Variants in BBOX1 observed in about 807,000 individuals in gnomAD.
BBOX1 encodes the protein gamma-butyrobetaine hydroxylase 1.
Under a neutral mutation model 41.6 loss-of-function variants are expected in BBOX1, and 35 were observed. The ratio of observed to expected loss-of-function variants is 0.84; its 90% CI spans 0.64 to 1.11. BBOX1 has a LOEUF of 1.11. Among genes scored for constraint, BBOX1 ranks in the 50% most tolerant of loss-of-function variants. The pLI is 0.00. For synonymous variants in BBOX1, 163 were observed against 154.7 expected, an observed-to-expected ratio of 1.05 and a Z score of -0.40; for missense variants, 458 against 460.6, an observed-to-expected ratio of 0.99 and a Z score of 0.05.
intron 4 of BBOX1, among the ~76,000 whole-genome samples, chr11:27,066,950 A>T (rs1857306207): frequency 6.6e-6 from 1 of 152,158 alleles, no homozygotes; most frequent in Non-Finnish European, 1.5e-5. Flanking sequence ...CACTGAAATT[A>T]AGAGGGTTTT....
chr11:27,110,037 T>C lies in BBOX1; in HGVS notation c.534-5415T>C, dbSNP rs568804919. Reference sequence around the variant, plus strand: ...CTTAATAAATAGGACCTCCCCCACCTGGTTTCTGAACCTGAAAACCTTGGC... The same window carrying C: ...CTTAATAAATAGGACCTCCCCCACCCGGTTTCTGAACCTGAAAACCTTGGC... On this transcript the variant is annotated intron_variant, in intron 5 of 8. Coordinates refer to ENST00000263182, the MANE Select transcript of BBOX1 (RefSeq NM_003986.3). Among the ~76,000 whole-genome samples the C allele has an allele frequency of 4.6e-5, 7 of 152,180 alleles. No homozygotes were observed. The South Asian group carries it at 1.0e-3, about 23-fold the overall frequency.
At chr11:27,109,488 A>G (rs753927927) in intron 5 of BBOX1, among the ~76,000 whole-genome samples, 1 of 152,062 alleles carries the variant, frequency 6.6e-6, no homozygotes, top group African/African-American at 2.4e-5. Context: ...TGAGATTATG[A>G]AATAGTTGGA....
rs1034065962 is a variant in BBOX1, at chr11:27,073,651, T to G, written c.334+16336T>G. On this transcript the variant is annotated intron_variant, in intron 4 of 8. Coordinates refer to ENST00000263182, the MANE Select transcript of BBOX1 (RefSeq NM_003986.3). Reference sequence around the variant, plus strand: ...GGCACTATTCACAATAGCAAATACTTGGAACCAACCCAAATGTCCATCAAT... The same window carrying G: ...GGCACTATTCACAATAGCAAATACTGGGAACCAACCCAAATGTCCATCAAT... Among the ~76,000 whole-genome samples, 14 of 152,090 alleles carry G rather than the reference T, an allele frequency of 9.2e-5. No homozygotes were observed. The East Asian group carries it at 2.7e-3, about 29-fold the overall frequency.
chr11:27,107,064 G>T (rs546798588), intron 5 of BBOX1, among the ~76,000 whole-genome samples: 1 of 152,196 alleles, frequency 6.6e-6, no homozygotes, highest in South Asian at 2.1e-4. Flanking sequence ...CAACATACTA[G>T]AATCTCTGTG....
At chr11:27,094,974 C>T (rs1213013849) in intron 5 of BBOX1, among the ~76,000 whole-genome samples, 1 of 151,902 alleles carries the variant, frequency 6.6e-6, no homozygotes, top group Non-Finnish European at 1.5e-5. Context: ...TTAATTGTCA[C>T]AACAACTTTC....
At chr11:27,103,470 C>T (rs1858742165) in intron 5 of BBOX1, among the ~76,000 whole-genome samples, 1 of 152,044 alleles carries the variant, frequency 6.6e-6, no homozygotes, top group South Asian at 2.1e-4. Context: ...GTTACTTTCT[C>T]TCAAATCGTT....
intron 2 of BBOX1, among the ~76,000 whole-genome samples, chr11:27,054,384 A>C (rs557390231): frequency 5.9e-5 from 9 of 152,276 alleles, no homozygotes; most frequent in African/African-American, 2.2e-4. Flanking sequence ...TATAAATTCT[A>C]CTTTTCCTAT....
intron 5 of BBOX1, among the ~76,000 whole-genome samples, chr11:27,112,212 C>A (rs972678615): frequency 1.3e-4 from 20 of 151,916 alleles, no homozygotes; most frequent in African/African-American, 4.6e-4. Flanking sequence ...GATTAATAGA[C>A]TTAAAGCATA....
intron 2 of BBOX1, among the ~76,000 whole-genome samples, chr11:27,046,439 GACACACAC>G (rs34097371): frequency 1.3e-5 from 2 of 149,742 alleles, no homozygotes; most frequent in East Asian, 4.0e-4. Flanking sequence ...ACACACCACA[GACACACAC>G]ACACACACAC....
chr11:27,115,447 T>C lies in BBOX1; in HGVS notation c.534-5T>C, dbSNP rs778254922. On this transcript the variant is annotated splice_polypyrimidine_tract_variant and splice_region_variant and intron_variant, in intron 5 of 8. Coordinates refer to ENST00000263182, the MANE Select transcript of BBOX1 (RefSeq NM_003986.3). ...GTTTAAACATGTGTTTCTTGCATTT[T>C]ACAGACATACTTGGCAAGTGCAAGA... is the stretch of plus-strand genomic sequence containing the variant. 6.2e-7 allele frequency: 1 copy of C among 1,605,990 alleles called. No homozygotes were observed. The highest frequency in any genetic ancestry group is 1.1e-5 in the South Asian group (1 of 90,214).
At chr11:27,055,360 C>T in intron 2 of BBOX1, 33 bp from the exon 3 acceptor site, 1 of 1,485,106 alleles carries the variant, frequency 6.7e-7, no homozygotes, top group Non-Finnish European at 9.3e-7. Flanking sequence ...ATCTTATCTG[C>T]CTGAGATTCC....
At chr11:27,114,950 C>A (rs2134093653) in intron 5 of BBOX1, among the ~76,000 whole-genome samples, 1 of 151,478 alleles carries the variant, frequency 6.6e-6, no homozygotes, top group African/African-American at 2.4e-5. Flanking sequence ...TTAGTGATTG[C>A]CAAGGTCTTG....
At chr11:27,068,439 G>T (rs997332165) in intron 4 of BBOX1, among the ~76,000 whole-genome samples, 13 of 151,924 alleles carry the variant, frequency 8.6e-5, no homozygotes, top group African/African-American at 2.9e-4. Flanking sequence ...TTGCTGATTT[G>T]TTTGAGTTCC....
chr11:27,111,045 T>C (rs1859042207), intron 5 of BBOX1, among the ~76,000 whole-genome samples: 1 of 150,676 alleles, frequency 6.6e-6, no homozygotes, highest in Non-Finnish European at 1.5e-5. Flanking sequence ...GTAACCTTAG[T>C]TCTTTTTTTA....
intron 2 of BBOX1, among the ~76,000 whole-genome samples, chr11:27,043,188 T>C (rs917894161): frequency 1.3e-5 from 2 of 151,924 alleles, no homozygotes; most frequent in East Asian, 3.9e-4. Context: ...CTCAGCCTCC[T>C]GAGTAGCTGG....
intron 4 of BBOX1, among the ~76,000 whole-genome samples, chr11:27,084,266 A>T (rs1857955792): frequency 6.6e-6 from 1 of 152,134 alleles, no homozygotes; most frequent in Admixed American, 6.5e-5. Flanking sequence ...TCATTACAAC[A>T]CGTTCCAGAG....
chr11:27,054,566 T>C (rs2133958866), intron 2 of BBOX1, among the ~76,000 whole-genome samples: 1 of 152,278 alleles, frequency 6.6e-6, no homozygotes, highest in South Asian at 2.1e-4. Context: ...TTCACTAAGT[T>C]TCCTCTCCTG....
At position 27,055,492 on chromosome 11, in the gene BBOX1, G is replaced by A; in HGVS notation, c.62G>A (p.Trp21Ter). Residue 21 changes from tryptophan (W) to a stop codon, truncating the protein, a stop_gained, in exon 3 of 9, where the codon TGG becomes TAG. Coordinates refer to ENST00000263182, the MANE Select transcript of BBOX1 (RefSeq NM_003986.3). LOFTEE classifies it high-confidence loss of function. The part of the protein sequence containing the change: ...LDGAHLMQIL[W>*]YDEEESLYPA... ...GGGGCTCATTTGATGCAGATCCTCT[G>A]GTATGATGAGGAAGAGTCTCTCTAC... 6.2e-7 allele frequency: 1 copy of A among 1,614,052 alleles called. No homozygotes were observed. Among genetic ancestry groups the A allele is most frequent in the East Asian group, 2.2e-5 (1 of 44,890 alleles).
chr11:27,093,713 G>A (rs1022424242), intron 5 of BBOX1, among the ~76,000 whole-genome samples: 1 of 151,950 alleles, frequency 6.6e-6, no homozygotes, highest in African/African-American at 2.4e-5. Flanking sequence ...TAAGATCAAG[G>A]TTCTGGCAGG....
Sources: gnomAD v4.1 joint callset for allele counts (sites outside exome capture counted in the v4.1 genomes callset) on GRCh38, gnomAD v4.1.1 for gene constraint, MANE v1.5 for transcripts, NCBI Gene and HGNC (gene_info 2026-07-23, HGNC 2026-07-21) for gene names.